The following ARB2A variants were observed in gnomAD, a reference collection of about 807,000 sequenced individuals.
The protein encoded by ARB2A is ARB2 cotranscriptional regulator A.
At chr5:94,092,710 C>A in the ARB2A span, among the ~76,000 whole-genome samples, 28 of 152,222 alleles carry the variant, frequency 1.8e-4, no homozygotes, top group Admixed American at 1.2e-3. Flanking sequence ...AAGATGTCTA[C>A]CAAAATGCTT....
At chr5:94,045,932 GAAGAA>G in the ARB2A span, among the ~76,000 whole-genome samples, 3 of 152,096 alleles carry the variant, frequency 2.0e-5, no homozygotes, top group Non-Finnish European at 4.4e-5. Flanking sequence ...AACAAAATGG[GAAGAA>G]AAGAAATCAG....
the ARB2A span, among the ~76,000 whole-genome samples, chr5:94,090,488 C>T: frequency 6.6e-6 from 1 of 152,152 alleles, no homozygotes; most frequent in African/African-American, 2.4e-5. Context: ...AATTTGACTT[C>T]CTCTCTTGCT....
At chr5:94,079,149 T>C in the ARB2A span, among the ~76,000 whole-genome samples, 1 of 152,222 alleles carries the variant, frequency 6.6e-6, no homozygotes, top group African/African-American at 2.4e-5. Flanking sequence ...TTGAAAATAA[T>C]TATAATGGAA....
chr5:93,826,350 T>C, the ARB2A span, among the ~76,000 whole-genome samples: 44 of 152,308 alleles, frequency 2.9e-4, no homozygotes, highest in Non-Finnish European at 2.9e-5. Context: ...TAATAAATTA[T>C]TAAGGTCCCC....
the ARB2A span, among the ~76,000 whole-genome samples, chr5:93,761,196 TCAGAAAGTGGGTG>T: frequency 2.6e-5 from 4 of 151,944 alleles, no homozygotes; most frequent in Admixed American, 2.0e-4. Context: ...CTGGGGAGTG[TCAGAAAGTGGGTG>T]CAGGACAGTG....
At chr5:93,871,713 T>G in the ARB2A span, among the ~76,000 whole-genome samples, 1 of 152,188 alleles carries the variant, frequency 6.6e-6, no homozygotes, top group Admixed American at 6.5e-5. Context: ...TCTCATAAAA[T>G]GCTATTTATG....
the ARB2A span, among the ~76,000 whole-genome samples, chr5:93,673,170 T>C: frequency 1.3e-5 from 2 of 152,232 alleles, no homozygotes; most frequent in African/African-American, 2.4e-5. Context: ...AATCTACATT[T>C]CAAGTGTGAG....
chr5:93,776,066 AAACT>A, the ARB2A span: 2 of 1,033,726 alleles, frequency 1.9e-6, no homozygotes, highest in Non-Finnish European at 2.8e-6. Context: ...AGATAAAAAC[AAACT>A]AATTCACAAA....
the ARB2A span, chr5:93,740,532 C>T: frequency 5.2e-6 from 8 of 1,533,052 alleles, no homozygotes; most frequent in Middle Eastern, 1.8e-4. Context: ...GTTTTCCCTT[C>T]TTCTCCCCTC....
the ARB2A span, among the ~76,000 whole-genome samples, chr5:93,981,275 C>T: frequency 4.0e-5 from 6 of 151,804 alleles, no homozygotes; most frequent in Admixed American, 1.3e-4. Flanking sequence ...CACCATGTTG[C>T]CCAGGCTAGT....
the ARB2A span, among the ~76,000 whole-genome samples, chr5:93,973,258 C>A: frequency 4.0e-5 from 6 of 151,668 alleles, no homozygotes; most frequent in African/African-American, 1.5e-4. Flanking sequence ...CTGTGCCCAG[C>A]CAGGAATTTC....
the ARB2A span, among the ~76,000 whole-genome samples, chr5:94,020,651 T>C: frequency 4.0e-5 from 6 of 151,870 alleles, no homozygotes; most frequent in African/African-American, 1.2e-4. Flanking sequence ...AGGGTACATA[T>C]TGTAGATCTG....
the ARB2A span, among the ~76,000 whole-genome samples, chr5:93,946,901 A>C: frequency 6.6e-6 from 1 of 152,182 alleles, no homozygotes; most frequent in East Asian, 1.9e-4. Flanking sequence ...TCAGCCACTA[A>C]TACATGCTTT....
At chr5:93,669,759 A>G in the ARB2A span, among the ~76,000 whole-genome samples, 1 of 152,290 alleles carries the variant, frequency 6.6e-6, no homozygotes. Flanking sequence ...TGACTTTTAT[A>G]TTCTAATCAT....
At chr5:93,681,126 A>G in the ARB2A span, among the ~76,000 whole-genome samples, 2 of 151,948 alleles carry the variant, frequency 1.3e-5, no homozygotes, top group Non-Finnish European at 2.9e-5. Context: ...TTTCCAGTCA[A>G]GAAAAAAAAA....
At chr5:93,785,880 C>T in the ARB2A span, among the ~76,000 whole-genome samples, 2 of 152,086 alleles carry the variant, frequency 1.3e-5, no homozygotes, top group Non-Finnish European at 1.5e-5. Flanking sequence ...ATGCTACCTT[C>T]TTCTAGATTT....
the ARB2A span, among the ~76,000 whole-genome samples, chr5:94,102,708 AAT>A: frequency 2.0e-5 from 3 of 152,070 alleles, no homozygotes; most frequent in Admixed American, 2.0e-4. Context: ...GCTGAAGACA[AAT>A]AGTCTTCAGA....
At chr5:94,106,625 G>A in the ARB2A span, among the ~76,000 whole-genome samples, 1 of 151,846 alleles carries the variant, frequency 6.6e-6, no homozygotes, top group Admixed American at 6.6e-5. Flanking sequence ...CCATTCCTGG[G>A]TACCTACCCA....
chr5:93,716,693 C>CAAAAAA, the ARB2A span, among the ~76,000 whole-genome samples: 67 of 36,230 alleles, frequency 1.8e-3, no homozygotes, highest in South Asian at 3.2e-3. Flanking sequence ...ATAAGCTGTG[C>CAAAAAA]AAAAAAAAAA....
Sources: allele counts gnomAD v4.1 joint callset (sites outside exome capture counted in the v4.1 genomes callset), GRCh38; gene constraint gnomAD v4.1.1; transcripts MANE v1.5; gene names NCBI Gene and HGNC (gene_info 2026-07-23, HGNC 2026-07-21).